Variants in KIF26A observed in about 807,000 individuals in gnomAD.
KIF26A encodes the protein kinesin-like protein KIF26A.
KIF26A carries 74 observed loss-of-function variants against 126.0 expected under a neutral mutation model. The observed-to-expected ratio is 0.59, with a 90% CI of 0.49 to 0.71. The LOEUF is 0.71. Among genes scored for constraint, KIF26A ranks in the 30% least tolerant of loss-of-function variants. KIF26A has a pLI of 0.00. For synonymous variants in KIF26A, 1,445 were observed against 1,232.7 expected, an observed-to-expected ratio of 1.17 and a Z score of -3.61; for missense variants, 2,984 against 2,763.3, an observed-to-expected ratio of 1.08 and a Z score of -1.79.
rs2038000596 is a variant in KIF26A at position 104,174,996 on chromosome 14, C to T, written c.2208C>T (p.Ser736=). The T allele has an allele frequency of 1.3e-6, 2 of 1,547,664 alleles. No homozygotes were observed. Among genetic ancestry groups the T allele is most frequent in the African/African-American group, 1.4e-5 (1 of 73,670 alleles). The change falls in exon 12 of 15, where the codon TCC becomes TCT. Residue 736 remains serine, a synonymous_variant. Coordinates refer to ENST00000423312, the MANE Select transcript of KIF26A (RefSeq NM_015656.2). ...TCTTCCCCCAGTACGCCTCCAGCTCCTCTGGCGGGGAGAGCTCCTGTGAGG... is the reference window on the plus strand; with the variant it reads ...TCTTCCCCCAGTACGCCTCCAGCTCTTCTGGCGGGGAGAGCTCCTGTGAGG... The part of the protein sequence containing the change: ...RRKKAKYASS[S]SGGESSCEEG...
Position 104,176,233 on chromosome 14 carries a change from C to T in KIF26A, c.3445C>T (p.Leu1149=). 1 of 1,601,118 alleles carries T rather than the reference C, an allele frequency of 6.2e-7. No homozygotes were observed. Among genetic ancestry groups the T allele is most frequent in the Non-Finnish European group, 8.5e-7 (1 of 1,174,638 alleles). ...GCTTGACCCTGGGGGCCCCCCTGCC[C>T]TGGATGGTTCCCTGGGGGATGGAAG... ...AGLDPGGPPA[L]DGSLGDGSSG... Residue 1149 remains leucine, a synonymous_variant, in exon 12 of 15, where the codon CTG becomes TTG. Transcript: ENST00000423312.
At chr14:104,146,729 T>C (rs1034775775) in intron 2 of KIF26A, among the ~76,000 whole-genome samples, 1 of 152,086 alleles carries the variant, frequency 6.6e-6, no homozygotes, top group African/African-American at 2.4e-5. Flanking sequence ...GCGGCAGTGT[T>C]TGATCTCAGA....
At position 104,179,743 on chromosome 14, in the gene KIF26A, G is replaced by A. The variant is rs540430481; in HGVS notation, c.5602G>A (p.Val1868Ile). 1.7e-4 allele frequency: 269 copies of A among 1,553,986 alleles called. No homozygotes were observed. The East Asian group carries it at 1.8e-3, about 10-fold the overall frequency. ...VMMVTCFDIS[V>I]AASAAIPGPQ... Reference sequence around the variant, plus strand: ...GATGGTCACCTGCTTCGACATCAGCGTTGCAGCCAGTGCTGCCATCCCGGG... The same window carrying A: ...GATGGTCACCTGCTTCGACATCAGCATTGCAGCCAGTGCTGCCATCCCGGG... The change falls in exon 15 of 15, where the codon GTT (valine) becomes ATT (isoleucine). Residue 1868 changes from valine to isoleucine, a missense_variant. Coordinates refer to ENST00000423312, the MANE Select transcript of KIF26A (RefSeq NM_015656.2).
At chr14:104,139,875 C>G (rs964616770) in intron 2 of KIF26A, among the ~76,000 whole-genome samples, 3 of 152,218 alleles carry the variant, frequency 2.0e-5, no homozygotes, top group Non-Finnish European at 4.4e-5. Context: ...TCGGGGCCCT[C>G]TGGGTTCCCC....
chr14:104,180,749 C>T lies in KIF26A; in HGVS notation c.*959C>T. ...TTGCCAAATGCAGACGAGGGGTGAG[C>T]CTGCCAGCGTTTGCGACGTCCCCGC... On this transcript the variant is annotated 3_prime_UTR_variant, in exon 15 of 15. Coordinates refer to ENST00000423312, the MANE Select transcript of KIF26A (RefSeq NM_015656.2). 1 of 154,394 alleles carries T rather than the reference C, an allele frequency of 6.5e-6. No individual in the cohort carries two copies. The highest frequency in any genetic ancestry group is 5.3e-4 in the Middle Eastern group (1 of 1,884). The allele number at this position is 154,394 out of a possible 1,614,324, so 9.6% of individuals were successfully genotyped here. A position where few individuals can be genotyped will look rare whatever the true frequency, so the allele number is the denominator to read the frequency against.
intron 4 of KIF26A, among the ~76,000 whole-genome samples, chr14:104,162,754 A>C (rs1289432661): frequency 2.8e-5 from 4 of 144,148 alleles, no homozygotes; most frequent in African/African-American, 1.0e-4. Context: ...AACACCCTCC[A>C]GTGAGGGCTG....
At chr14:104,158,092 C>A (rs1490521457) in intron 4 of KIF26A, 150 bp downstream of exon 4, 2 of 764,254 alleles carry the variant, frequency 2.6e-6, no homozygotes, top group Non-Finnish European at 3.8e-6. Flanking sequence ...ACCACAGCTG[C>A]TGAGCCGCTC....
chr14:104,173,984 C>A, intron 10 of KIF26A, 116 bp downstream of exon 10: 1 of 1,418,724 alleles, frequency 7.0e-7, no homozygotes. Context: ...CTTTGCTCCT[C>A]CACCACCTGA....
intron 5 of KIF26A, among the ~76,000 whole-genome samples, chr14:104,169,320 G>A (rs953589774): frequency 6.6e-6 from 1 of 152,242 alleles, no homozygotes; most frequent in South Asian, 2.1e-4. Flanking sequence ...GTTGGGGCGG[G>A]GGGCAGAGGA....
At chr14:104,160,537 A>T (rs959968969) in intron 4 of KIF26A, among the ~76,000 whole-genome samples, 1 of 152,092 alleles carries the variant, frequency 6.6e-6, no homozygotes, top group Admixed American at 6.5e-5. Flanking sequence ...AGCTGCAGGG[A>T]TTGAGGCAGC....
rs2037961517 is a variant in KIF26A at position 104,171,893 on chromosome 14, G to T, written c.1284G>T (p.Lys428Asn). The change falls in exon 6 of 15, where the codon AAG becomes AAT. Residue 428 changes from lysine (K) to asparagine (N), a missense_variant. Transcript: ENST00000423312. The stretch of plus-strand genomic sequence containing the variant: ...GAGCCGCCACTGCTGCAGTTCCCAA[G>T]ATGTTTGCCTTCGATGCCGTCTTCC... The part of the protein sequence containing the change: ...PRRAATAAVP[K>N]MFAFDAVFPQ... 2 of 1,559,638 alleles carry T rather than the reference G, an allele frequency of 1.3e-6. No homozygotes were observed. The highest frequency in any genetic ancestry group is 1.7e-6 in the Non-Finnish European group (2 of 1,152,824).
chr14:104,171,089 C>G (rs1233009169), intron 5 of KIF26A, among the ~76,000 whole-genome samples: 2 of 152,252 alleles, frequency 1.3e-5, no homozygotes, highest in African/African-American at 4.8e-5. Context: ...TGTATCTTCC[C>G]CTGGATGGGA....
rs535137657 is a variant in KIF26A at position 104,162,081 on chromosome 14, T to C, written c.923+4139T>C. 5.3e-5 allele frequency among the ~76,000 whole-genome samples: 8 copies of C among 152,296 alleles called. No individual in the cohort carries two copies. The South Asian group carries it at 6.2e-4, about 12-fold the overall frequency. ...CTGCTGTGTCTGATGGTCGTTTCCA[T>C]GGGGGCCTGAATTTCATCAAAGGAG... On this transcript the variant is annotated intron_variant, in intron 4 of 14. Transcript: ENST00000423312.
Position 104,165,705 on chromosome 14 carries a change from C to CTG in KIF26A, c.924-1151_924-1150dup, listed in dbSNP as rs1269496049. ...TATGTGTGACTGTGTGTCTCTGTCT[C>CTG]TGTGCATATGTGTGTCTGTGTGTTT... On this transcript the variant is annotated intron_variant, in intron 4 of 14. Coordinates refer to ENST00000423312, the MANE Select transcript of KIF26A (RefSeq NM_015656.2). Among the ~76,000 whole-genome samples, 223 of 139,430 alleles carry CTG rather than the reference C, an allele frequency of 1.6e-3. 14 individuals are homozygous for CTG. Among genetic ancestry groups the CTG allele is most frequent in the African/African-American group, 6.8e-3 (208 of 30,520 alleles). The allele number at this position is 139,430 out of a possible 152,430, so 91.5% of individuals were successfully genotyped here.
chr14:104,141,057 G>A (rs949467028), intron 2 of KIF26A, among the ~76,000 whole-genome samples: 1 of 152,240 alleles, frequency 6.6e-6, no homozygotes, highest in African/African-American at 2.4e-5. Context: ...GGCCTTACGG[G>A]TGTCATTGTC....
chr14:104,174,866 C>T (rs1363103349), intron 11 of KIF26A, 116 bp from the exon 12 acceptor site: 1 of 1,116,674 alleles, frequency 9.0e-7, no homozygotes, highest in Non-Finnish European at 1.2e-6. Context: ...TTGGTGGTGC[C>T]TGCTGTAGTT....
chr14:104,165,339 GTC>G (rs2037878292), intron 4 of KIF26A, among the ~76,000 whole-genome samples: 1 of 141,152 alleles, frequency 7.1e-6, no homozygotes. Context: ...GCGTCTGTGT[GTC>G]TGTATCATGT....
At chr14:104,164,828 TGA>T (rs1197556687) in intron 4 of KIF26A, among the ~76,000 whole-genome samples, 1 of 151,830 alleles carries the variant, frequency 6.6e-6, no homozygotes, top group Non-Finnish European at 1.5e-5. Flanking sequence ...TGTCTCTGTG[TGA>T]GTGTCTGAGT....
At chr14:104,170,879 G>A (rs1430047301) in intron 5 of KIF26A, among the ~76,000 whole-genome samples, 2 of 152,258 alleles carry the variant, frequency 1.3e-5, no homozygotes, top group Non-Finnish European at 2.9e-5. Flanking sequence ...GTCTTCCCGA[G>A]TCCGGTGCCT....
Sources: gnomAD v4.1 joint callset for allele counts (sites outside exome capture counted in the v4.1 genomes callset) on GRCh38, gnomAD v4.1.1 for gene constraint, MANE v1.5 for transcripts, NCBI Gene and HGNC (gene_info 2026-07-23, HGNC 2026-07-21) for gene names.